WNK2: variants seen among roughly 807,000 people sequenced by gnomAD.
The protein encoded by WNK2 is WNK lysine deficient protein kinase 2, also known as serine/threonine-protein kinase WNK2.
Under a neutral mutation model 192.1 loss-of-function variants are expected in WNK2, and 67 were observed. The observed-to-expected ratio is 0.35, with a 90% CI of 0.29 to 0.43. The LOEUF (loss-of-function observed/expected upper bound fraction) is 0.43, where lower values mean the gene tolerates loss of function less well. Among genes scored for constraint, WNK2 ranks in the 20% least tolerant of loss-of-function variants. The pLI is 1.00. For missense variants in WNK2, 2,698 were observed against 3,089.7 expected (o/e 0.87, Z 3.01); for synonymous variants, 1,439 against 1,393.9 (o/e 1.03, Z -0.72).
At chr9:93,240,482 CTCATCA>C (rs1840576838) in intron 7 of WNK2, among the ~76,000 whole-genome samples, 1 of 152,150 alleles carries the variant, frequency 6.6e-6, no homozygotes, top group Non-Finnish European at 1.5e-5. Flanking sequence ...TCCTGCTCCT[CTCATCA>C]TCTTCAGCTC....
chr9:93,294,091 A>G (rs1226701681), intron 23 of WNK2, among the ~76,000 whole-genome samples: 3 of 152,160 alleles, frequency 2.0e-5, no homozygotes, highest in African/African-American at 7.2e-5. Context: ...CAAATTCACC[A>G]GTGCCTGAAG....
intron 2 of WNK2, among the ~76,000 whole-genome samples, chr9:93,189,402 G>A (rs1293751420): frequency 6.6e-6 from 1 of 152,200 alleles, no homozygotes; most frequent in East Asian, 1.9e-4. Flanking sequence ...TGGGAGAGCG[G>A]TGGAGTCCTA....
chr9:93,262,785 C>A, intron 14 of WNK2, 66 bp downstream of exon 14: 1 of 1,555,028 alleles, frequency 6.4e-7, no homozygotes, highest in Non-Finnish European at 8.8e-7. Flanking sequence ...AGCCACTCAG[C>A]CTGGCTCCTG....
At chr9:93,267,404 A>T (rs1218355831) in intron 16 of WNK2, among the ~76,000 whole-genome samples, 1 of 151,632 alleles carries the variant, frequency 6.6e-6, no homozygotes, top group East Asian at 1.9e-4. Context: ...CCCTCTTCCC[A>T]GTCCCCGTCC....
chr9:93,217,440 A>G (rs537817951), intron 2 of WNK2, among the ~76,000 whole-genome samples: 2 of 152,306 alleles, frequency 1.3e-5, no homozygotes, highest in Admixed American at 1.3e-4. Context: ...CAGAAGAGTC[A>G]GAATGGTGGC....
chr9:93,198,455 C>T (rs1936399), intron 2 of WNK2, among the ~76,000 whole-genome samples: 24,836 of 152,208 alleles, frequency 0.16, 2,103 homozygotes, highest in South Asian at 0.22. Context: ...CTGCTTACCC[C>T]GGTAGGGCGT....
intron 2 of WNK2, among the ~76,000 whole-genome samples, chr9:93,216,774 C>T (rs191052327): frequency 1.5e-4 from 22 of 151,600 alleles, no homozygotes; most frequent in African/African-American, 2.2e-4. Context: ...TGCACCACTG[C>T]GCTCCAGCCT....
chr9:93,206,022 C>G (rs905474739), intron 2 of WNK2, among the ~76,000 whole-genome samples: 3 of 152,160 alleles, frequency 2.0e-5, no homozygotes, highest in Non-Finnish European at 4.4e-5. Flanking sequence ...AGCCTAGACC[C>G]CGTGCGGAGC....
chr9:93,193,334 C>T (rs1174282227), intron 2 of WNK2, among the ~76,000 whole-genome samples: 1 of 152,194 alleles, frequency 6.6e-6, no homozygotes, highest in Admixed American at 6.5e-5. Context: ...CCCTTCATGG[C>T]TGGGGGCTCT....
chr9:93,270,574 C>T (rs1845865829), intron 19 of WNK2, among the ~76,000 whole-genome samples: 1 of 152,202 alleles, frequency 6.6e-6, no homozygotes, highest in African/African-American at 2.4e-5. Flanking sequence ...CTGATATTTC[C>T]TGGTCTGACT....
intron 19 of WNK2, among the ~76,000 whole-genome samples, chr9:93,274,218 C>T (rs1846403012): frequency 6.6e-6 from 1 of 152,118 alleles, no homozygotes; most frequent in Non-Finnish European, 1.5e-5. Context: ...AAACAAAATA[C>T]CAATACTAAA....
In WNK2 at chr9:93,229,968, G is replaced by C. The variant is rs1473753180; in HGVS notation, c.854+100G>C. ...TGGGCTGCTGGGGTGGTCCTGGCTG[G>C]TGCCTGTGGGAGGCTGTCTCCTCTT... On this transcript the variant is annotated intron_variant, in intron 3 of 29. Coordinates refer to ENST00000427277, the MANE Select transcript of WNK2 (RefSeq NM_006648.4). This position sits in a 1 kb window ranked among gnomAD's most constrained non-coding sequence, Gnocchi z 4.9. 1 of 1,437,072 alleles carries C rather than the reference G, an allele frequency of 7.0e-7. No homozygotes were observed. The highest frequency in any genetic ancestry group is 2.4e-5 in the East Asian group (1 of 41,132). The allele number at this position is 1,437,072 out of a possible 1,614,324, so 89.0% of individuals were successfully genotyped here.
In WNK2 at chr9:93,278,820, T is replaced by C. The variant is rs145614790; in HGVS notation, c.4034-9968T>C. 9.5e-4 allele frequency among the ~76,000 whole-genome samples: 145 copies of C among 152,354 alleles called. 1 individual carries two copies. In the East Asian group the frequency reaches 0.026, roughly 27 times the overall value. ...ACAGTTACTATAACTGTAGTTCATATGTTCAAAAAGCTATAGAAGTGTAAT... is the reference window on the plus strand; with the variant it reads ...ACAGTTACTATAACTGTAGTTCATACGTTCAAAAAGCTATAGAAGTGTAAT... On this transcript the variant is annotated intron_variant, in intron 19 of 29. Coordinates refer to ENST00000427277, the MANE Select transcript of WNK2 (RefSeq NM_006648.4).
rs1466201919 is a variant in WNK2, at chr9:93,289,561, G to A, written c.4807G>A (p.Ala1603Thr). Residue 1603 changes from alanine (A) to threonine (T), a missense_variant, in exon 20 of 30, where the codon GCC becomes ACC. Ala to Thr is a moderately conservative substitution (Grantham distance 58). Coordinates refer to ENST00000427277, the MANE Select transcript of WNK2 (RefSeq NM_006648.4). ...CTCAGAGGTCTGCGGGGGGGACCTG[G>A]CCCTGCCCCCAGTGCCTAAGGAGGC... ...PRSEVCGGDL[A>T]LPPVPKEAVS... 2 of 1,548,828 alleles carry A rather than the reference G, an allele frequency of 1.3e-6. No individual in the cohort carries two copies. The highest frequency in any genetic ancestry group is 1.2e-5 in the South Asian group (1 of 83,522).
At chr9:93,285,373 A>G (rs1178484928) in intron 19 of WNK2, among the ~76,000 whole-genome samples, 1 of 152,220 alleles carries the variant, frequency 6.6e-6, no homozygotes, top group Non-Finnish European at 1.5e-5. Context: ...AAATTTACAG[A>G]TAAATTGGAA....
rs566343168 is a variant in WNK2, at chr9:93,318,537, T to C, written c.6628+906T>C. On this transcript the variant is annotated intron_variant, in intron 29 of 29. Transcript: ENST00000427277. ...GTTAGGTGAGCAGACATGCCCCCCATGCCAGTGGGCTGCTGTGAGTGAGGA... is the reference window on the plus strand; with the variant it reads ...GTTAGGTGAGCAGACATGCCCCCCACGCCAGTGGGCTGCTGTGAGTGAGGA... 107 of 1,614,100 alleles carry C rather than the reference T, an allele frequency of 6.6e-5. 1 individual carries two copies. The South Asian group carries it at 1.1e-3, about 17-fold the overall frequency.
chr9:93,291,475 T>C (rs1849337039), intron 21 of WNK2, among the ~76,000 whole-genome samples: 1 of 152,158 alleles, frequency 6.6e-6, no homozygotes, highest in Admixed American at 6.5e-5. Flanking sequence ...GTGAACCTCC[T>C]AGCCCTGAAG....
chr9:93,256,766 A>G (rs1327972726), intron 10 of WNK2, 182 bp from the exon 11 acceptor site: 4 of 697,764 alleles, frequency 5.7e-6, no homozygotes, highest in African/African-American at 1.8e-5. Flanking sequence ...GAGTTTGGTG[A>G]TCTGTGTGTC....
intron 11 of WNK2, among the ~76,000 whole-genome samples, chr9:93,258,280 G>A (rs545252828): frequency 5.3e-5 from 8 of 152,332 alleles, no homozygotes; most frequent in African/African-American, 1.9e-4. Context: ...CACATGTAAT[G>A]CTGAGAAGAG....
Sources: allele counts gnomAD v4.1 joint callset (sites outside exome capture counted in the v4.1 genomes callset), GRCh38; gene constraint gnomAD v4.1.1; non-coding constraint Gnocchi (gnomAD v3.1); transcripts MANE v1.5; gene names NCBI Gene and HGNC (gene_info 2026-07-23, HGNC 2026-07-21).